The following TTLL7 variants were observed in gnomAD, a reference collection of about 807,000 sequenced individuals.
TTLL7 encodes tubulin polyglutamylase TTLL7.
In TTLL7, 53 loss-of-function variants were observed where a neutral mutation model predicts 120.2. That is an observed-to-expected ratio of 0.44 (90% confidence interval 0.35 to 0.55). The LOEUF is 0.55. Among genes scored for constraint, TTLL7 ranks in the 20% least tolerant of loss-of-function variants. TTLL7 has a pLI of 0.00. For synonymous variants in TTLL7, 353 were observed against 351.7 expected (o/e 1.00, Z -0.04); for missense variants, 803 against 1,054.7 (o/e 0.76, Z 3.31).
intron 5 of TTLL7, among the ~76,000 whole-genome samples, chr1:83,948,184 AACACACACAC>A (rs35199174): frequency 1.7e-4 from 25 of 147,460 alleles, no homozygotes; most frequent in African/African-American, 5.2e-4. Context: ...GACACACACA[AACACACACAC>A]ACACACACAC....
intron 20 of TTLL7, among the ~76,000 whole-genome samples, chr1:83,877,174 AT>A (rs1376982039): frequency 6.6e-6 from 1 of 152,028 alleles, no homozygotes; most frequent in African/African-American, 2.4e-5. Context: ...ACTGTAGCAA[AT>A]TACACTCATC....
At chr1:83,951,542 A>G (rs910725208) in intron 3 of TTLL7, among the ~76,000 whole-genome samples, 2 of 152,186 alleles carry the variant, frequency 1.3e-5, no homozygotes, top group Non-Finnish European at 2.9e-5. Context: ...CAGCTTGAAG[A>G]GCTGACAAAA....
At chr1:83,991,019 A>G (rs774214552) in intron 1 of TTLL7, among the ~76,000 whole-genome samples, 7 of 152,240 alleles carry the variant, frequency 4.6e-5, no homozygotes, top group Admixed American at 2.0e-4. Context: ...AGCTTTAAAA[A>G]CTAAGGAAAT....
rs747436373 is a variant in TTLL7 at position 83,951,870 on chromosome 1, A to G, written c.132T>C (p.Asn44=). Reference sequence around the variant, plus strand: ...CAATTTCAAACTTTGTCCCGGCAACATTTGCTGTAATGGTTCCCTTCTTTT... The same window carrying G: ...CAATTTCAAACTTTGTCCCGGCAACGTTTGCTGTAATGGTTCCCTTCTTTT... ...KKKKKGTITA[N]VAGTKFEIVR... The change falls in exon 3 of 21, where the codon AAT becomes AAC. Residue 44 remains asparagine (N), a synonymous_variant. Transcript: ENST00000260505. 2.3e-5 allele frequency: 37 copies of G among 1,611,866 alleles called. No homozygotes were observed. Among genetic ancestry groups the G allele is most frequent in the Non-Finnish European group, 3.1e-5 (37 of 1,179,394 alleles).
At chr1:83,993,084 C>T (rs561241549) in intron 1 of TTLL7, among the ~76,000 whole-genome samples, 1 of 152,120 alleles carries the variant, frequency 6.6e-6, no homozygotes, top group Admixed American at 6.5e-5. Flanking sequence ...AAGATGCTAA[C>T]TTTTTCTACC....
At chr1:83,939,750 C>A (rs945499349) in intron 7 of TTLL7, among the ~76,000 whole-genome samples, 1 of 152,112 alleles carries the variant, frequency 6.6e-6, no homozygotes, top group South Asian at 2.1e-4. Context: ...CTTATAATCT[C>A]CTTATATGTA....
intron 17 of TTLL7, among the ~76,000 whole-genome samples, chr1:83,905,482 T>TA (rs1417480773): frequency 1.5e-4 from 23 of 151,404 alleles, no homozygotes; most frequent in East Asian, 9.8e-4. Flanking sequence ...CTGTAGTTTT[T>TA]ATCCTATAAC....
Position 83,865,440 on chromosome 1 carries a change from CCATT to C in TTLL7, c.*4518_*4521del, listed in dbSNP as rs1196257893. The C allele has an allele frequency of 1.3e-5, 2 of 151,896 alleles. No homozygotes were observed. The highest frequency in any genetic ancestry group is 4.8e-5 in the African/African-American group (2 of 41,388). The allele number at this position is 151,896 out of a possible 1,614,324, so 9.4% of individuals were successfully genotyped here. On this transcript the variant is annotated 3_prime_UTR_variant, in exon 21 of 21. Transcript: ENST00000260505. ...TATTACTAATTTAGGAACTATTGGTCCATTGATTGTACCTGTAGATAATACAGCG... is the reference window on the plus strand; with the variant it reads ...TATTACTAATTTAGGAACTATTGGTCGATTGTACCTGTAGATAATACAGCG...
chr1:83,895,184 A>G (rs910199153), intron 18 of TTLL7, among the ~76,000 whole-genome samples: 7 of 152,056 alleles, frequency 4.6e-5, no homozygotes, highest in African/African-American at 1.7e-4. Flanking sequence ...ATTAATGGAG[A>G]CTGTTATGCA....
chr1:83,877,478 C>G (rs976822442), intron 20 of TTLL7, among the ~76,000 whole-genome samples: 5 of 151,950 alleles, frequency 3.3e-5, no homozygotes, highest in African/African-American at 1.2e-4. Context: ...CTGGAGTTAT[C>G]TTTGTGGAAG....
At chr1:83,978,284 G>T (rs147961315) in intron 1 of TTLL7, among the ~76,000 whole-genome samples, 39 of 152,272 alleles carry the variant, frequency 2.6e-4, no homozygotes, top group African/African-American at 8.7e-4. Context: ...ATGAACTGAT[G>T]AAGCTTTTCT....
chr1:83,959,711 C>T (rs536766552), intron 1 of TTLL7, among the ~76,000 whole-genome samples: 2 of 152,158 alleles, frequency 1.3e-5, no homozygotes, highest in South Asian at 4.2e-4. Context: ...AATACAACCT[C>T]TATGGATAGT....
intron 1 of TTLL7, among the ~76,000 whole-genome samples, chr1:83,988,539 T>C (rs878917466): frequency 2.6e-5 from 4 of 152,246 alleles, no homozygotes; most frequent in South Asian, 2.1e-4. Context: ...GCAGCCTTGC[T>C]GGCATCTGTT....
intron 1 of TTLL7, among the ~76,000 whole-genome samples, chr1:83,990,090 T>C (rs1221976892): frequency 6.6e-6 from 1 of 152,188 alleles, no homozygotes; most frequent in Non-Finnish European, 1.5e-5. Flanking sequence ...CAGGGGCTTT[T>C]TGGCAGAGTC....
intron 10 of TTLL7, among the ~76,000 whole-genome samples, chr1:83,921,602 CA>C (rs1260238940): frequency 6.6e-6 from 1 of 152,062 alleles, no homozygotes; most frequent in African/African-American, 2.4e-5. Flanking sequence ...TCTGAAGATA[CA>C]GAGACAAAAT....
intron 4 of TTLL7, 191 bp from the exon 5 acceptor site, chr1:83,948,886 A>T (rs1557712087): frequency 7.1e-6 from 3 of 421,266 alleles, no homozygotes; most frequent in Non-Finnish European, 1.3e-5. Flanking sequence ...AGAGAATAAA[A>T]CTGCAAAATT....
intron 13 of TTLL7, among the ~76,000 whole-genome samples, 179 bp downstream of exon 13, chr1:83,919,520 A>G (rs533570972): frequency 2.6e-5 from 4 of 152,274 alleles, no homozygotes; most frequent in Admixed American, 1.3e-4. Flanking sequence ...TTCTTGGTAG[A>G]TATCTTATGA....
At chr1:83,990,959 TG>T (rs1406367830) in intron 1 of TTLL7, among the ~76,000 whole-genome samples, 1 of 152,190 alleles carries the variant, frequency 6.6e-6, no homozygotes, top group Non-Finnish European at 1.5e-5. Context: ...TGTCCATGGA[TG>T]ATGAATGGAT....
intron 20 of TTLL7, among the ~76,000 whole-genome samples, chr1:83,877,545 T>C (rs1654034976): frequency 6.6e-6 from 1 of 152,016 alleles, no homozygotes; most frequent in South Asian, 2.1e-4. Flanking sequence ...GGACTTTCTA[T>C]TTCTTCTTTT....
Sources: allele counts gnomAD v4.1 joint callset (sites outside exome capture counted in the v4.1 genomes callset), GRCh38; gene constraint gnomAD v4.1.1; transcripts MANE v1.5; gene names NCBI Gene and HGNC (gene_info 2026-07-23, HGNC 2026-07-21).